Variants in LRIF1 observed in about 807,000 individuals in gnomAD.
The protein encoded by LRIF1 is ligand-dependent nuclear receptor-interacting factor 1.
Under a neutral mutation model 52.7 loss-of-function variants are expected in LRIF1, and 32 were observed. That is an observed-to-expected ratio of 0.61 (90% confidence interval 0.46 to 0.82). The LOEUF (loss-of-function observed/expected upper bound fraction) is 0.82. LRIF1 is among the 40% of genes least tolerant of loss of function. The pLI, the probability that LRIF1 is intolerant of heterozygous loss-of-function variation, is 0.00. For synonymous variants in LRIF1, 323 were observed against 317.4 expected (o/e 1.02, Z -0.19); for missense variants, 887 against 892.0 (o/e 0.99, Z 0.07).
chr1:110,920,446 T>C, the LRIF1 span, among the ~76,000 whole-genome samples: 1 of 152,132 alleles, frequency 6.6e-6, no homozygotes, highest in Non-Finnish European at 1.5e-5. Flanking sequence ...GGCTACCTAA[T>C]GTATGATTCC....
the LRIF1 span, among the ~76,000 whole-genome samples, chr1:110,911,985 G>A: frequency 1.3e-5 from 2 of 152,102 alleles, no homozygotes; most frequent in Non-Finnish European, 2.9e-5. Context: ...ATTCAGCATA[G>A]TACTGGAATT....
At position 110,948,416 on chromosome 1, in the gene LRIF1, C is replaced by T. The variant is rs774150050; in HGVS notation, c.1870-17G>A. 7 of 1,592,414 alleles carry T rather than the reference C, an allele frequency of 4.4e-6. No homozygotes were observed. The African/African-American group carries it at 5.4e-5, about 12-fold the overall frequency. On this transcript the variant is annotated splice_polypyrimidine_tract_variant and intron_variant, in intron 3 of 3. Coordinates refer to ENST00000369763, the MANE Select transcript of LRIF1 (RefSeq NM_018372.4). ...AAAATTCTGCTGCAATATTGAATAA[C>T]ATTCCAAAACAAAAACGAAATGTTA...
the LRIF1 span, among the ~76,000 whole-genome samples, chr1:110,921,455 G>A: frequency 6.6e-6 from 1 of 151,802 alleles, no homozygotes; most frequent in Non-Finnish European, 1.5e-5. Flanking sequence ...ACAATTAAAG[G>A]TCCAACTTTT....
At chr1:110,878,960 T>G in the LRIF1 span, among the ~76,000 whole-genome samples, 1 of 151,742 alleles carries the variant, frequency 6.6e-6, no homozygotes, top group Non-Finnish European at 1.5e-5. Context: ...ATTTAACATT[T>G]TCAATTTGTT....
At chr1:110,915,570 C>T in the LRIF1 span, among the ~76,000 whole-genome samples, 1 of 152,128 alleles carries the variant, frequency 6.6e-6, no homozygotes, top group African/African-American at 2.4e-5. Context: ...GGGATACCCT[C>T]ACCAACAGCA....
intron 3 of LRIF1, among the ~76,000 whole-genome samples, chr1:110,949,053 C>T (rs940240161): frequency 2.6e-5 from 4 of 151,840 alleles, no homozygotes; most frequent in African/African-American, 9.7e-5. Flanking sequence ...AAAATTAAAA[C>T]ATATCTTTAA....
the LRIF1 span, among the ~76,000 whole-genome samples, chr1:110,901,895 G>A: frequency 6.6e-6 from 1 of 152,178 alleles, no homozygotes; most frequent in Non-Finnish European, 1.5e-5. Flanking sequence ...ATGAGTGAGT[G>A]ATAACATCAC....
chr1:110,923,388 T>C, the LRIF1 span, among the ~76,000 whole-genome samples: 4 of 152,292 alleles, frequency 2.6e-5, no homozygotes, highest in East Asian at 7.7e-4. Context: ...TCCAGGTATT[T>C]GGACATCAAC....
the LRIF1 span, chr1:110,938,584 G>C: frequency 6.6e-6 from 1 of 152,134 alleles, no homozygotes; most frequent in Non-Finnish European, 1.5e-5. Context: ...CATATATGAT[G>C]GTCCCATAGC....
chr1:110,931,865 T>C, the LRIF1 span, among the ~76,000 whole-genome samples: 3 of 152,158 alleles, frequency 2.0e-5, no homozygotes, highest in African/African-American at 7.2e-5. Flanking sequence ...GTTTAAGTTC[T>C]TTGTATATTC....
the LRIF1 span, among the ~76,000 whole-genome samples, chr1:110,884,334 T>C: frequency 6.6e-6 from 1 of 152,146 alleles, no homozygotes; most frequent in Non-Finnish European, 1.5e-5. Context: ...TTTCTGTTAT[T>C]GATTGCTAAT....
chr1:110,929,952 TCCCATGA>T, the LRIF1 span, among the ~76,000 whole-genome samples: 35 of 152,208 alleles, frequency 2.3e-4, no homozygotes, highest in Admixed American at 1.8e-3. Context: ...TACATCAAAC[TCCCATGA>T]CACAAGGTTA....
chr1:110,885,438 T>C, the LRIF1 span, among the ~76,000 whole-genome samples: 1 of 152,082 alleles, frequency 6.6e-6, no homozygotes, highest in African/African-American at 2.4e-5. Flanking sequence ...CTCGGGAGGC[T>C]GAGGCAGGAG....
rs368393454 is a variant in LRIF1 at position 110,952,190 on chromosome 1, C to A, written c.694G>T (p.Val232Leu). ...EASQMPTVIY[V>L]SPVNTVKNVV... is the part of the protein sequence containing the mutation. ...TTTTTCACTGTATTTACAGGAGATACATAAATAACGGTTGGCATTTGGGAG... is the reference window on the plus strand; with the variant it reads ...TTTTTCACTGTATTTACAGGAGATAAATAAATAACGGTTGGCATTTGGGAG... The change falls in exon 2 of 4, where the codon GTA becomes TTA. Residue 232 changes from valine to leucine, a missense_variant. Transcript: ENST00000369763. The A allele has an allele frequency of 6.2e-7, 1 of 1,614,060 alleles. No individual in the cohort carries two copies. Among genetic ancestry groups the A allele is most frequent in the Non-Finnish European group, 8.5e-7 (1 of 1,180,032 alleles).
intron 1 of LRIF1, among the ~76,000 whole-genome samples, chr1:110,961,066 T>C (rs796726926): frequency 1.5e-4 from 23 of 152,332 alleles, no homozygotes; most frequent in African/African-American, 5.3e-4. Context: ...ACACGTCCTT[T>C]ATTTACCAGT....
At chr1:110,896,673 T>C in the LRIF1 span, 1 of 1,613,608 alleles carries the variant, frequency 6.2e-7, no homozygotes, top group Non-Finnish European at 8.5e-7. Flanking sequence ...GTGGTATAAA[T>C]GGCACGAGTG....
At chr1:110,946,722 C>T (rs1324935675), downstream of LRIF1, among the ~76,000 whole-genome samples, 1 of 137,390 alleles carries the variant, frequency 7.3e-6, no homozygotes, top group Admixed American at 8.1e-5. Flanking sequence ...AGTAGTGGCA[C>T]AATCTTGGCT....
chr1:110,887,903 G>A, the LRIF1 span, among the ~76,000 whole-genome samples: 1 of 152,180 alleles, frequency 6.6e-6, no homozygotes, highest in Non-Finnish European at 1.5e-5. Flanking sequence ...GGGCAAAGAT[G>A]ACTTTGAAGT....
the LRIF1 span, chr1:110,941,630 G>C: frequency 6.6e-6 from 1 of 152,098 alleles, no homozygotes; most frequent in South Asian, 2.1e-4. Context: ...GCTTAACTGT[G>C]GTTGTTATTC....
Sources: allele counts gnomAD v4.1 joint callset (sites outside exome capture counted in the v4.1 genomes callset), GRCh38; gene constraint gnomAD v4.1.1; transcripts MANE v1.5; gene names NCBI Gene and HGNC (gene_info 2026-07-23, HGNC 2026-07-21).